Variants in ZNF444 observed in about 807,000 individuals in gnomAD.
ZNF444 encodes the protein zinc finger protein 444.
Under a neutral mutation model 14.4 loss-of-function variants are expected in ZNF444, and 8 were observed. That is an observed-to-expected ratio of 0.56 (90% CI 0.33 to 1.00). The LOEUF (loss-of-function observed/expected upper bound fraction) is 1.00, where lower values mean the gene tolerates loss of function less well. Ranked by LOEUF, ZNF444 falls within the 50% of genes least tolerant of loss-of-function variation. ZNF444 has a pLI of 0.03. For missense variants in ZNF444, 510 were observed against 504.8 expected, an observed-to-expected ratio of 1.01 and a Z score of -0.10; for synonymous variants, 258 against 235.9, an observed-to-expected ratio of 1.09 and a Z score of -0.86.
chr19:56,139,940 GGAA>G (rs1322403947), upstream of ZNF444, among the ~76,000 whole-genome samples: 5 of 152,212 alleles, frequency 3.3e-5, no homozygotes, highest in East Asian at 1.9e-4. Context: ...GATATGAGTG[GGAA>G]GAAGATCAGC....
At chr19:56,159,274 C>G (rs1231441743) in intron 4 of ZNF444, among the ~76,000 whole-genome samples, 1 of 151,938 alleles carries the variant, frequency 6.6e-6, no homozygotes, top group Non-Finnish European at 1.5e-5. Flanking sequence ...ATCCACCCCT[C>G]ATCCACCCAC....
chr19:56,148,852 G>A (rs907172458), intron 3 of ZNF444, among the ~76,000 whole-genome samples: 3 of 152,094 alleles, frequency 2.0e-5, no homozygotes, highest in African/African-American at 7.2e-5. Flanking sequence ...GCAGGGCCAC[G>A]TCCCTTCTCA....
At chr19:56,149,800 C>T (rs369197598) in intron 3 of ZNF444, 102 of 152,476 alleles carry the variant, frequency 6.7e-4, no homozygotes, top group African/African-American at 2.4e-3. Flanking sequence ...CATGTCCCTG[C>T]AAAGGACATG....
intron 3 of ZNF444, chr19:56,150,425 C>T (rs1053899931): frequency 8.6e-6 from 3 of 348,686 alleles, no homozygotes; most frequent in African/African-American, 4.3e-5. Context: ...CGAGGCGAAC[C>T]TCTCACTGTG....
At chr19:56,141,631 G>A (rs1358529007) in intron 1 of ZNF444, 1 of 70,258 alleles carries the variant, frequency 1.4e-5, no homozygotes, top group East Asian at 3.4e-4. Flanking sequence ...GGGAGAGGAC[G>A]GGGGAGGGGC....
upstream of ZNF444, among the ~76,000 whole-genome samples, chr19:56,136,375 T>C (rs2030611334): frequency 6.6e-6 from 1 of 152,170 alleles, no homozygotes; most frequent in African/African-American, 2.4e-5. Context: ...TTCATCTGTC[T>C]CATTATAGGT....
intron 1 of ZNF444, among the ~76,000 whole-genome samples, chr19:56,142,024 ACT>A (rs1245616659): frequency 2.0e-5 from 3 of 151,410 alleles, no homozygotes; most frequent in East Asian, 1.9e-4. Context: ...GTGCTTAGAA[ACT>A]CTGTTTATTG....
chr19:56,137,983 G>T (rs1599984554), upstream of ZNF444, among the ~76,000 whole-genome samples: 1 of 152,040 alleles, frequency 6.6e-6, no homozygotes, highest in Admixed American at 6.6e-5. Context: ...AATTAGCTGG[G>T]TGTGGTGGCG....
chr19:56,153,599 C>T (rs549102989), intron 3 of ZNF444, among the ~76,000 whole-genome samples: 6 of 152,254 alleles, frequency 3.9e-5, no homozygotes, highest in East Asian at 3.9e-4. Flanking sequence ...CCAGAAAGAT[C>T]GAATGACCTG....
rs763730603 is a variant in ZNF444 at position 56,158,519 on chromosome 19, C to T, written c.323C>T (p.Ser108Leu). Residue 108 changes from serine to leucine, a missense_variant, in exon 4 of 5, where the codon TCG (serine) becomes TTG (leucine). Physicochemically the swap from Ser to Leu is moderately radical, Grantham distance 145 (BLOSUM62 -2). Transcript: ENST00000337080. ...GGGCCAGCAGCCTCCCCCGATGGGT[C>T]GTCAGCAACGAGGGTGCCTCAGGAT... is the stretch of plus-strand genomic sequence containing the variant. ...LWGPAASPDGSSATRVPQDVT... is the reference protein window; with the variant it reads ...LWGPAASPDGLSATRVPQDVT... 15 of 1,611,268 alleles carry T rather than the reference C, an allele frequency of 9.3e-6. No individual in the cohort carries two copies. Among genetic ancestry groups the T allele is most frequent in the African/African-American group, 2.7e-5 (2 of 74,770 alleles).
chr19:56,139,041 G>A (rs901683490), upstream of ZNF444, among the ~76,000 whole-genome samples: 4 of 151,918 alleles, frequency 2.6e-5, no homozygotes, highest in African/African-American at 7.3e-5. Flanking sequence ...TGATCCGCAC[G>A]CCTCGGTCTC....
At chr19:56,146,842 CG>C in intron 2 of ZNF444, 47 bp from the exon 3 acceptor site, 2 of 1,294,976 alleles carry the variant, frequency 1.5e-6, no homozygotes, top group South Asian at 2.0e-5. Flanking sequence ...CTGGGCACCG[CG>C]GGCAGGGTCT....
chr19:56,134,290 A>C (rs893928571), intron 1 of ZNF444, among the ~76,000 whole-genome samples: 1 of 152,186 alleles, frequency 6.6e-6, no homozygotes, highest in Non-Finnish European at 1.5e-5. Flanking sequence ...GCTAGAAGGT[A>C]TGAGCTAAAT....
At chr19:56,139,843 G>A (rs181720004), upstream of ZNF444, among the ~76,000 whole-genome samples, 14 of 152,306 alleles carry the variant, frequency 9.2e-5, no homozygotes, top group Non-Finnish European at 1.8e-4. Flanking sequence ...CGCAAGGTGG[G>A]GGAGAGAGTG....
At chr19:56,152,408 C>T (rs984648130) in intron 3 of ZNF444, among the ~76,000 whole-genome samples, 2 of 150,450 alleles carry the variant, frequency 1.3e-5, no homozygotes, top group Admixed American at 6.6e-5. Context: ...TGATTCGGGC[C>T]TCAGCTTCAG....
chr19:56,149,668 A>G (rs2031454274), intron 3 of ZNF444: 1 of 149,560 alleles, frequency 6.7e-6, no homozygotes, highest in African/African-American at 2.5e-5. Context: ...CTGGTGTGTG[A>G]TGTTCTCCTC....
chr19:56,136,240 C>G (rs1049541469), intron 1 of ZNF444, among the ~76,000 whole-genome samples: 1 of 152,128 alleles, frequency 6.6e-6, no homozygotes, highest in African/African-American at 2.4e-5. Flanking sequence ...CAGGCTCTCT[C>G]GGCTGGGGCA....
upstream of ZNF444, among the ~76,000 whole-genome samples, chr19:56,137,742 T>G (rs1404672340): frequency 6.6e-6 from 1 of 152,176 alleles, no homozygotes; most frequent in East Asian, 1.9e-4. Context: ...TGAAGGCACA[T>G]CATGTGGGAC....
chr19:56,144,771 G>A lies in ZNF444; in HGVS notation c.-196-1476G>A, dbSNP rs1324417112. Among the ~76,000 whole-genome samples the A allele has an allele frequency of 4.6e-5, 7 of 152,246 alleles. No homozygotes were observed. The highest frequency in any genetic ancestry group is 2.1e-4 in the South Asian group (1 of 4,836). ...TCCTTATGATACAGTCCAAGCTGCT[G>A]TAATGAAGAGACCCCAAGTACAGGG... On this transcript the variant is annotated intron_variant, in intron 1 of 4. Coordinates refer to ENST00000337080, the MANE Select transcript of ZNF444 (RefSeq NM_018337.4). This position sits in a 1 kb window ranked among gnomAD's most constrained non-coding sequence, Gnocchi z 4.0.
Sources: allele counts gnomAD v4.1 joint callset (sites outside exome capture counted in the v4.1 genomes callset), GRCh38; gene constraint gnomAD v4.1.1; non-coding constraint Gnocchi (gnomAD v3.1); transcripts MANE v1.5; gene names NCBI Gene and HGNC (gene_info 2026-07-23, HGNC 2026-07-21).